LRRTM4: variants seen among roughly 807,000 people sequenced by gnomAD.
LRRTM4 encodes the protein leucine-rich repeat transmembrane neuronal protein 4.
LRRTM4 carries 25 observed loss-of-function variants against 47.6 expected under a neutral mutation model. That is an observed-to-expected ratio of 0.53 (90% CI 0.38 to 0.73). LRRTM4 has a LOEUF of 0.73. Among genes scored for constraint, LRRTM4 ranks in the 30% least tolerant of loss-of-function variants. LRRTM4 has a pLI of 0.00. For missense variants in LRRTM4, 638 were observed against 713.4 expected (o/e 0.89, Z 1.20); for synonymous variants, 311 against 269.5 (o/e 1.15, Z -1.51).
At chr2:77,494,604 T>C (rs1028820190) in intron 3 of LRRTM4, among the ~76,000 whole-genome samples, 3 of 152,058 alleles carry the variant, frequency 2.0e-5, no homozygotes, top group African/African-American at 7.2e-5. Context: ...TTTTTATTCT[T>C]CATGGTTTAA....
intron 3 of LRRTM4, among the ~76,000 whole-genome samples, chr2:76,769,309 C>T (rs1238980500): frequency 3.9e-5 from 6 of 152,022 alleles, no homozygotes; most frequent in African/African-American, 1.4e-4. Context: ...TTCTTATTCC[C>T]AATCACATGT....
intron 3 of LRRTM4, among the ~76,000 whole-genome samples, chr2:77,125,571 A>T (rs1223556902): frequency 6.6e-6 from 1 of 152,182 alleles, no homozygotes; most frequent in African/African-American, 2.4e-5. Context: ...TTCTGTGCTA[A>T]TAAGTTTACC....
chr2:77,123,430 T>A (rs1671571236), intron 3 of LRRTM4, among the ~76,000 whole-genome samples: 1 of 152,076 alleles, frequency 6.6e-6, no homozygotes, highest in Non-Finnish European at 1.5e-5. Flanking sequence ...GAAAACTAAA[T>A]GACAATGTTG....
chr2:77,019,055 A>T (rs1237630650), intron 3 of LRRTM4, among the ~76,000 whole-genome samples: 1 of 152,052 alleles, frequency 6.6e-6, no homozygotes, highest in African/African-American at 2.4e-5. Context: ...CAAATCTCAC[A>T]CATTGGAAGG....
At chr2:77,166,113 C>T (rs967735666) in intron 3 of LRRTM4, among the ~76,000 whole-genome samples, 2 of 152,304 alleles carry the variant, frequency 1.3e-5, no homozygotes, top group African/African-American at 4.8e-5. Flanking sequence ...AGCAAAGTCT[C>T]AGGATATAAA....
At chr2:77,372,191 C>T (rs1184183743) in intron 3 of LRRTM4, among the ~76,000 whole-genome samples, 1 of 151,706 alleles carries the variant, frequency 6.6e-6, no homozygotes, top group African/African-American at 2.4e-5. Flanking sequence ...TAGGAACAAA[C>T]CTGCCATCTG....
At chr2:77,293,987 G>A (rs1676900512) in intron 3 of LRRTM4, among the ~76,000 whole-genome samples, 1 of 152,076 alleles carries the variant, frequency 6.6e-6, no homozygotes, top group Non-Finnish European at 1.5e-5. Context: ...TTTTCTTACT[G>A]CATCGTGGTC....
chr2:77,184,486 G>A (rs561238138), intron 3 of LRRTM4, among the ~76,000 whole-genome samples: 2 of 152,134 alleles, frequency 1.3e-5, no homozygotes, highest in East Asian at 1.9e-4. Flanking sequence ...TTGAGTACTC[G>A]ATTTTAAAAA....
intron 3 of LRRTM4, among the ~76,000 whole-genome samples, chr2:77,014,561 C>T (rs1025641350): frequency 1.3e-5 from 2 of 150,022 alleles, no homozygotes; most frequent in African/African-American, 4.8e-5. Flanking sequence ...CCTGTAATCC[C>T]AGCACTTTGG....
chr2:77,479,156 A>G (rs576442731), intron 3 of LRRTM4, among the ~76,000 whole-genome samples: 1 of 152,282 alleles, frequency 6.6e-6, no homozygotes, highest in East Asian at 1.9e-4. Context: ...TCGGCCCCCC[A>G]GAGTGCTGGG....
intron 3 of LRRTM4, among the ~76,000 whole-genome samples, chr2:76,815,811 T>C (rs559507233): frequency 2.0e-5 from 3 of 152,168 alleles, no homozygotes; most frequent in Non-Finnish European, 4.4e-5. Flanking sequence ...AAACAAAACA[T>C]AAAGGAATAC....
chr2:76,946,497 T>C (rs1254877691), intron 3 of LRRTM4, among the ~76,000 whole-genome samples: 2 of 151,826 alleles, frequency 1.3e-5, no homozygotes, highest in East Asian at 3.9e-4. Flanking sequence ...TGCTATAGAC[T>C]AGATATAATA....
intron 3 of LRRTM4, among the ~76,000 whole-genome samples, chr2:76,966,716 G>C (rs1676036657): frequency 6.6e-6 from 1 of 151,396 alleles, no homozygotes; most frequent in South Asian, 2.1e-4. Flanking sequence ...CTAGTGTCAT[G>C]CTTTTAATGA....
In LRRTM4 at chr2:77,019,275, A is replaced by AT. The variant is rs1553445692; in HGVS notation, c.1552-270360_1552-270359insA. Reference sequence around the variant, plus strand: ...CTACAAAAAAAAAAAAAAAAAAAAAAATATAAGAAGAAGACAGAGTGTATT... The same window carrying AT: ...CTACAAAAAAAAAAAAAAAAAAAAAATATATAAGAAGAAGACAGAGTGTATT... On this transcript the variant is annotated intron_variant, in intron 3 of 3. Coordinates refer to ENST00000409884, the MANE Select transcript of LRRTM4 (RefSeq NM_001134745.3). Among the ~76,000 whole-genome samples the AT allele has an allele frequency of 6.4e-4, 97 of 150,956 alleles. 1 individual carries two copies. Among genetic ancestry groups the AT allele is most frequent in the African/African-American group, 2.3e-3 (96 of 40,950 alleles).
At chr2:77,134,270 T>TA (rs1214159599) in intron 3 of LRRTM4, among the ~76,000 whole-genome samples, 1 of 152,162 alleles carries the variant, frequency 6.6e-6, no homozygotes, top group Admixed American at 6.5e-5. Flanking sequence ...TTAGGTCTTC[T>TA]AGTGCCGTGA....
chr2:77,487,592 G>A (rs1001627134), intron 3 of LRRTM4, among the ~76,000 whole-genome samples: 5 of 152,144 alleles, frequency 3.3e-5, no homozygotes, highest in Admixed American at 3.3e-4. Flanking sequence ...TGGGTTGATG[G>A]CAGCAGGAGG....
chr2:77,203,854 T>G (rs187944409), intron 3 of LRRTM4, among the ~76,000 whole-genome samples: 2 of 152,282 alleles, frequency 1.3e-5, no homozygotes, highest in East Asian at 1.9e-4. Context: ...CCACGAGATA[T>G]CTATAAGAGA....
chr2:77,018,422 C>A, intron 3 of LRRTM4, among the ~76,000 whole-genome samples: 1 of 152,014 alleles, frequency 6.6e-6, no homozygotes, highest in East Asian at 1.9e-4. Context: ...AGGGAAGAAA[C>A]CATGTAGCTG....
intron 3 of LRRTM4, among the ~76,000 whole-genome samples, chr2:76,946,552 T>A (rs182592122): frequency 1.1e-3 from 163 of 151,916 alleles, no homozygotes; most frequent in African/African-American, 3.7e-3. Flanking sequence ...GAGAGTGAAG[T>A]GGCAAATACA....
Sources: gnomAD v4.1 joint callset for allele counts (sites outside exome capture counted in the v4.1 genomes callset) on GRCh38, gnomAD v4.1.1 for gene constraint, MANE v1.5 for transcripts, NCBI Gene and HGNC (gene_info 2026-07-23, HGNC 2026-07-21) for gene names.